SIRT5: variants seen among roughly 807,000 people sequenced by gnomAD.
SIRT5 encodes the protein sirtuin 5, also known as NAD-dependent protein deacylase sirtuin-5, mitochondrial.
In SIRT5, 26 loss-of-function variants were observed where a neutral mutation model predicts 40.0. That is an observed-to-expected ratio of 0.65 (90% CI 0.48 to 0.90). SIRT5 has a LOEUF of 0.90. SIRT5 is among the 40% of genes least tolerant of loss of function. The pLI is 0.00. For synonymous variants in SIRT5, 146 were observed against 149.1 expected (o/e 0.98, Z 0.15); for missense variants, 401 against 402.4 (o/e 1.00, Z 0.03).
At position 13,613,585 on chromosome 6, in the gene SIRT5, T is replaced by A. The variant is rs1764116980; in HGVS notation, c.*1720T>A. 6.6e-6 allele frequency: 1 copy of A among 152,242 alleles called. No homozygotes were observed. Among genetic ancestry groups the A allele is most frequent in the African/African-American group, 2.4e-5 (1 of 41,446 alleles). 9.4% of individuals were successfully genotyped at this position (152,242 alleles called of 1,614,324 possible). On this transcript the variant is annotated 3_prime_UTR_variant, in exon 10 of 10. Transcript: ENST00000606117. Reference sequence around the variant, plus strand: ...TATCATATAAAACTTTGTACTGCATTGCAAGGCATAACCTTTAATAAATCC... The same window carrying A: ...TATCATATAAAACTTTGTACTGCATAGCAAGGCATAACCTTTAATAAATCC...
intron 1 of SIRT5, among the ~76,000 whole-genome samples, 178 bp from the exon 2 acceptor site, chr6:13,579,273 C>T (rs181456473): frequency 2.6e-5 from 4 of 152,236 alleles, no homozygotes; most frequent in East Asian, 1.9e-4. Flanking sequence ...ACTTTGTAGT[C>T]GCAAATAAAG....
chr6:13,605,219 A>G, intron 9 of SIRT5: 1 of 951,540 alleles, frequency 1.1e-6, no homozygotes, highest in Non-Finnish European at 1.3e-6. Flanking sequence ...CACCACCTGT[A>G]TCTGTAAATA....
In SIRT5 at chr6:13,613,491, C is replaced by A. The variant is rs1367480416; in HGVS notation, c.*1626C>A. 6.6e-6 allele frequency: 1 copy of A among 152,246 alleles called. No homozygotes were observed. The highest frequency in any genetic ancestry group is 1.5e-5 in the Non-Finnish European group (1 of 68,066). The allele number at this position is 152,246 out of a possible 1,614,324, so 9.4% of individuals were successfully genotyped here. ...GTGATTACATACTTGGACCACATCA[C>A]CTCAGCCCCTTGCAAAATTGCATTT... On this transcript the variant is annotated 3_prime_UTR_variant, in exon 10 of 10. Coordinates refer to ENST00000606117, the MANE Select transcript of SIRT5 (RefSeq NM_012241.5).
intron 9 of SIRT5, among the ~76,000 whole-genome samples, chr6:13,603,983 T>C (rs1751112451): frequency 6.6e-6 from 1 of 152,192 alleles, no homozygotes; most frequent in South Asian, 2.1e-4. Context: ...ATACGAAATA[T>C]CTAGAATAGG....
At chr6:13,581,541 A>G (rs997334179) in intron 2 of SIRT5, among the ~76,000 whole-genome samples, 4 of 152,246 alleles carry the variant, frequency 2.6e-5, no homozygotes, top group African/African-American at 7.2e-5. Flanking sequence ...CTTTTCTACT[A>G]TAGAGTTATT....
intron 7 of SIRT5, among the ~76,000 whole-genome samples, chr6:13,597,453 A>G (rs77476537): frequency 6.7e-6 from 1 of 150,366 alleles, no homozygotes; most frequent in Non-Finnish European, 1.5e-5. Context: ...AAAAAAAAAA[A>G]GGAAGATTTT....
At chr6:13,578,817 T>TA (rs543499277) in intron 1 of SIRT5, among the ~76,000 whole-genome samples, 13 of 151,940 alleles carry the variant, frequency 8.6e-5, no homozygotes, top group East Asian at 5.8e-4. Flanking sequence ...TACAGGCTTT[T>TA]AAAAAAAATC....
At chr6:13,590,067 C>A (rs889071718) in intron 4 of SIRT5, among the ~76,000 whole-genome samples, 5 of 152,100 alleles carry the variant, frequency 3.3e-5, no homozygotes, top group Non-Finnish European at 7.3e-5. Context: ...ATGAAATGCA[C>A]ATGTGTTCAA....
chr6:13,592,379 G>T (rs1761036445), intron 5 of SIRT5, among the ~76,000 whole-genome samples: 1 of 152,220 alleles, frequency 6.6e-6, no homozygotes, highest in Admixed American at 6.5e-5. Flanking sequence ...AAGAGGCCTG[G>T]CCCATTGGAC....
At chr6:13,598,670 A>T (rs1761937653) in intron 7 of SIRT5, among the ~76,000 whole-genome samples, 1 of 152,020 alleles carries the variant, frequency 6.6e-6, no homozygotes, top group Non-Finnish European at 1.5e-5. Context: ...CTCTACTAAG[A>T]ATACGAAAAT....
At chr6:13,588,614 CAA>C (rs1193657496) in intron 4 of SIRT5, 150 bp downstream of exon 4, 21 of 1,058,020 alleles carry the variant, frequency 2.0e-5, no homozygotes, top group Non-Finnish European at 2.8e-5. Flanking sequence ...GGCATAAACA[CAA>C]AGTTTCTATG....
intron 7 of SIRT5, among the ~76,000 whole-genome samples, chr6:13,597,443 A>G (rs887749386): frequency 0.012 from 1,821 of 151,938 alleles, 32 homozygotes; most frequent in Non-Finnish European, 0.016. Context: ...TAAAAAAAAA[A>G]AAAAAAAAAA....
chr6:13,604,530 A>C (rs1344744667), intron 9 of SIRT5: 2 of 1,578,148 alleles, frequency 1.3e-6, no homozygotes, highest in Admixed American at 1.9e-5. Context: ...ACAAGTCATC[A>C]TTGTAGAAAA....
chr6:13,581,564 T>G (rs888987039), intron 2 of SIRT5, among the ~76,000 whole-genome samples: 3 of 152,238 alleles, frequency 2.0e-5, no homozygotes, highest in Non-Finnish European at 2.9e-5. Context: ...TGGATAACAC[T>G]TTTAAAGATT....
At chr6:13,579,779 T>C (rs755293478) in intron 2 of SIRT5, among the ~76,000 whole-genome samples, 170 bp downstream of exon 2, 4 of 152,232 alleles carry the variant, frequency 2.6e-5, no homozygotes, top group Non-Finnish European at 5.9e-5. Flanking sequence ...CCCCTAATTA[T>C]TGAAGCTGGG....
In SIRT5 at chr6:13,597,044, G is replaced by A; in HGVS notation, c.617+28G>A. 2.6e-6 allele frequency: 4 copies of A among 1,552,820 alleles called. No individual in the cohort carries two copies. The South Asian group carries it at 4.7e-5, about 18-fold the overall frequency. On this transcript the variant is annotated intron_variant, in intron 7 of 9. Transcript: ENST00000606117. ...AGGTAGAAAACTCTGATTTGTACTGGTGTTCCAGGTTACCAAAACAAAAAA... is the reference window on the plus strand; with the variant it reads ...AGGTAGAAAACTCTGATTTGTACTGATGTTCCAGGTTACCAAAACAAAAAA...
intron 2 of SIRT5, 56 bp from the exon 3 acceptor site, chr6:13,584,020 T>C: frequency 1.4e-6 from 1 of 737,324 alleles, no homozygotes; most frequent in East Asian, 2.6e-5. Flanking sequence ...TATTTCCATA[T>C]ATAAAAATAT....
At chr6:13,583,527 C>T (rs559551982) in intron 2 of SIRT5, among the ~76,000 whole-genome samples, 4 of 152,198 alleles carry the variant, frequency 2.6e-5, no homozygotes, top group African/African-American at 9.6e-5. Context: ...CTCCTGACCT[C>T]AGGTGATCCA....
intron 1 of SIRT5, among the ~76,000 whole-genome samples, chr6:13,575,262 A>G (rs1482199826): frequency 6.6e-6 from 1 of 152,122 alleles, no homozygotes; most frequent in Non-Finnish European, 1.5e-5. Flanking sequence ...CTGGAGGGGT[A>G]GGAGGAAAAC....
Sources: gnomAD v4.1 joint callset for allele counts (sites outside exome capture counted in the v4.1 genomes callset) on GRCh38, gnomAD v4.1.1 for gene constraint, MANE v1.5 for transcripts, NCBI Gene and HGNC (gene_info 2026-07-23, HGNC 2026-07-21) for gene names.